BTAF1: variants seen among roughly 807,000 people sequenced by gnomAD.
BTAF1 encodes the protein TATA-binding protein-associated factor 172.
In BTAF1, 38 loss-of-function variants were observed where a neutral mutation model predicts 227.1. The observed-to-expected ratio is 0.17, with a 90% CI of 0.13 to 0.22. The LOEUF (loss-of-function observed/expected upper bound fraction) is 0.22. Ranked by LOEUF, BTAF1 falls within the 10% of genes least tolerant of loss-of-function variation. The pLI, the probability that BTAF1 is intolerant of heterozygous loss-of-function variation, is 1.00. For synonymous variants in BTAF1, 742 were observed against 751.9 expected (o/e 0.99, Z 0.21); for missense variants, 1,598 against 2,204.0 (o/e 0.73, Z 5.51).
chr10:91,963,635 T>C (rs1243275658), intron 12 of BTAF1, among the ~76,000 whole-genome samples: 2 of 152,074 alleles, frequency 1.3e-5, no homozygotes, highest in Non-Finnish European at 2.9e-5. Context: ...ATTATCAAAA[T>C]CAGAACACAA....
chr10:91,941,700 T>C (rs754753073), intron 3 of BTAF1, among the ~76,000 whole-genome samples: 22 of 152,214 alleles, frequency 1.4e-4, no homozygotes, highest in Admixed American at 3.3e-4. Flanking sequence ...TATTTTTGTC[T>C]TCTAACTGAG....
chr10:91,997,889 A>G, intron 25 of BTAF1, 138 bp downstream of exon 25: 1 of 792,988 alleles, frequency 1.3e-6, no homozygotes. Context: ...TGGGTGGATC[A>G]TCTGAGGTCA....
rs759502529 is a variant in BTAF1 at position 92,008,286 on chromosome 10, T to G, written c.3813+11T>G. On this transcript the variant is annotated intron_variant, in intron 26 of 37. Coordinates refer to ENST00000265990, the MANE Select transcript of BTAF1 (RefSeq NM_003972.3). ...AGAAAATATCAGCAGGTAAGTTTTA[T>G]ACAATAGTGAGTTTTCCTTTCAAAT... The G allele has an allele frequency of 1.9e-6, 3 of 1,555,278 alleles. No individual in the cohort carries two copies. Among genetic ancestry groups the G allele is most frequent in the Non-Finnish European group, 2.6e-6 (3 of 1,161,380 alleles).
chr10:91,960,135 A>T lies in BTAF1; in HGVS notation c.1244A>T (p.Tyr415Phe), dbSNP rs1846396995. 3 of 1,612,906 alleles carry T rather than the reference A, an allele frequency of 1.9e-6. No homozygotes were observed. The highest frequency in any genetic ancestry group is 2.5e-6 in the Non-Finnish European group (3 of 1,179,470). ...CATGGTGGTCTGCTGGGAATAAAAT[A>T]TGCTTTGGCAGTCCGTCAGGTAAAT... ...VRHGGLLGIK[Y>F]ALAVRQDVIN... The change falls in exon 11 of 38, where the codon TAT becomes TTT. Residue 415 changes from tyrosine to phenylalanine, a missense_variant. Physicochemically the swap from Tyr to Phe is conservative, Grantham distance 22. Transcript: ENST00000265990.
intron 20 of BTAF1, 88 bp downstream of exon 20, chr10:91,989,668 C>A: frequency 8.1e-7 from 1 of 1,240,326 alleles, no homozygotes; most frequent in Non-Finnish European, 1.1e-6. Context: ...AGCACAAATC[C>A]AGTTCATGTT....
Position 92,027,268 on chromosome 10 carries a change from G to A in BTAF1, c.5374G>A (p.Asp1792Asn). Residue 1792 changes from aspartate to asparagine, a missense_variant, in exon 37 of 38, where the codon GAT becomes AAT. This residue lies in a region of BTAF1 where 79 missense variants were observed against 97.9 expected (regional missense o/e 0.81). Transcript: ENST00000265990. ...TTCTAGTTTGCAGAGCATGGGGACT[G>A]ATCAGCTTCTTGATCTGTTTACTCT... ...ENSSLQSMGT[D>N]QLLDLFTLDK... 1.2e-6 allele frequency: 2 copies of A among 1,613,038 alleles called. No individual in the cohort carries two copies. Among genetic ancestry groups the A allele is most frequent in the Non-Finnish European group, 1.7e-6 (2 of 1,179,640 alleles).
chr10:92,016,829 G>T (rs1850771425), intron 33 of BTAF1, among the ~76,000 whole-genome samples: 1 of 151,792 alleles, frequency 6.6e-6, no homozygotes, highest in Admixed American at 6.6e-5. Flanking sequence ...TTTTTATATG[G>T]AATAATAAAA....
At chr10:92,026,887 T>A in intron 36 of BTAF1, 136 bp downstream of exon 36, 1 of 1,031,304 alleles carries the variant, frequency 9.7e-7, no homozygotes, top group Non-Finnish European at 1.4e-6. Flanking sequence ...ATCACTTAAC[T>A]CTTCTGTGGT....
At chr10:92,005,795 T>C (rs559027572) in intron 25 of BTAF1, among the ~76,000 whole-genome samples, 1 of 152,238 alleles carries the variant, frequency 6.6e-6, no homozygotes, top group African/African-American at 2.4e-5. Context: ...TCTAAAACAA[T>C]GTGTTAGTGA....
At chr10:91,943,905 C>G (rs1845185104) in intron 4 of BTAF1, among the ~76,000 whole-genome samples, 1 of 152,164 alleles carries the variant, frequency 6.6e-6, no homozygotes, top group African/African-American at 2.4e-5. Context: ...AATCCCAGCA[C>G]TTTGGGAGGA....
rs745764578 is a variant in BTAF1, at chr10:92,026,646, C to T, written c.5130C>T (p.Gly1710=). The T allele has an allele frequency of 1.1e-4, 181 of 1,613,732 alleles. No individual in the cohort carries two copies. The highest frequency in any genetic ancestry group is 1.9e-5 in the Non-Finnish European group (23 of 1,179,892). ...TGTTACTTACCACTCACGTTGGTGGCCTGGGACTTAATTTGACAGGCGCTG... is the reference window on the plus strand; with the variant it reads ...TGTTACTTACCACTCACGTTGGTGGTCTGGGACTTAATTTGACAGGCGCTG... The part of the protein sequence containing the change: ...DVLLLTTHVG[G]LGLNLTGADT... Residue 1710 remains glycine (G), a synonymous_variant, in exon 36 of 38, where the codon GGC becomes GGT. Coordinates refer to ENST00000265990, the MANE Select transcript of BTAF1 (RefSeq NM_003972.3).
chr10:92,008,059 A>G, intron 25 of BTAF1, 64 bp from the exon 26 acceptor site: 1 of 1,385,550 alleles, frequency 7.2e-7, no homozygotes, highest in Non-Finnish European at 9.9e-7. Context: ...TTTTGTGTTT[A>G]TTTGATCTAA....
At chr10:91,998,183 A>G (rs1849267942) in intron 25 of BTAF1, among the ~76,000 whole-genome samples, 1 of 151,890 alleles carries the variant, frequency 6.6e-6, no homozygotes, top group Non-Finnish European at 1.5e-5. Flanking sequence ...AGAACATGTC[A>G]GGCTAAAAAA....
chr10:91,963,246 A>G (rs1242202803), intron 12 of BTAF1, among the ~76,000 whole-genome samples: 1 of 151,774 alleles, frequency 6.6e-6, no homozygotes, highest in African/African-American at 2.4e-5. Context: ...CTACAGACAC[A>G]TGCCACTGTG....
intron 25 of BTAF1, among the ~76,000 whole-genome samples, chr10:92,000,860 A>G (rs1363329281): frequency 2.0e-5 from 3 of 152,068 alleles, no homozygotes; most frequent in Non-Finnish European, 4.4e-5. Flanking sequence ...GTTTGTTCTT[A>G]AGGAAAAATA....
intron 1 of BTAF1, 85 bp downstream of exon 1, chr10:91,924,175 G>C: frequency 6.5e-7 from 1 of 1,540,736 alleles, no homozygotes; most frequent in East Asian, 2.5e-5. Flanking sequence ...CTAGAGAAGA[G>C]CGGTTCTCAT....
In BTAF1 at chr10:92,027,124, A is replaced by T; in HGVS notation, c.5236-6A>T. 2 of 1,606,312 alleles carry T rather than the reference A, an allele frequency of 1.2e-6. No homozygotes were observed. Among genetic ancestry groups the T allele is most frequent in the Non-Finnish European group, 1.7e-6 (2 of 1,177,340 alleles). On this transcript the variant is annotated splice_polypyrimidine_tract_variant and splice_region_variant and intron_variant, in intron 36 of 37. Transcript: ENST00000265990. ...TTACGGTTGCTTAACTGTTTTTCTTATCCAGAAACGTGTGGTTAACGTATA... is the reference window on the plus strand; with the variant it reads ...TTACGGTTGCTTAACTGTTTTTCTTTTCCAGAAACGTGTGGTTAACGTATA...
At chr10:91,939,129 AGT>A (rs1844836201) in intron 2 of BTAF1, among the ~76,000 whole-genome samples, 1 of 152,136 alleles carries the variant, frequency 6.6e-6, no homozygotes, top group African/African-American at 2.4e-5. Flanking sequence ...CAATATTTTT[AGT>A]GTTTTTTAGC....
intron 30 of BTAF1, among the ~76,000 whole-genome samples, chr10:92,013,007 C>T (rs1850476998): frequency 6.6e-6 from 1 of 152,048 alleles, no homozygotes; most frequent in Admixed American, 6.6e-5. Flanking sequence ...CATGGTGGCC[C>T]AGAGTCAGGG....
Sources: gnomAD v4.1 joint callset for allele counts (sites outside exome capture counted in the v4.1 genomes callset) on GRCh38, gnomAD v4.1.1 for gene constraint, gnomAD v4.1.1 regional missense constraint, MANE v1.5 for transcripts, NCBI Gene and HGNC (gene_info 2026-07-23, HGNC 2026-07-21) for gene names.